Variants in PFN2 observed in about 807,000 individuals in gnomAD.
PFN2 encodes profilin-2.
In PFN2, 8 loss-of-function variants were observed where a neutral mutation model predicts 15.3. That is an observed-to-expected ratio of 0.52 (90% CI 0.31 to 0.95). The LOEUF (loss-of-function observed/expected upper bound fraction) is 0.95. PFN2 is among the 40% of genes least tolerant of loss of function. PFN2 has a pLI of 0.05. For missense variants in PFN2, 111 were observed against 182.3 expected (o/e 0.61, Z 2.25); for synonymous variants, 79 against 67.9 (o/e 1.16, Z -0.81).
intron 2 of PFN2, among the ~76,000 whole-genome samples, chr3:149,967,376 G>C (rs897927788): frequency 2.0e-5 from 3 of 152,196 alleles, no homozygotes; most frequent in African/African-American, 2.4e-5. Flanking sequence ...GGTTTAAAGA[G>C]ATTTGTCACT....
Position 149,968,747 on chromosome 3 carries a change from CAT to C in PFN2, c.133-199_133-198del, listed in dbSNP as rs1351961936. ...TAATCCTATATAATCACATATTTTA[CAT>C]GAGTTGATTTGACTTCAGTTAATGA... is the stretch of plus-strand genomic sequence containing the variant. On this transcript the variant is annotated intron_variant, in intron 1 of 2. Coordinates refer to ENST00000239940, the MANE Select transcript of PFN2 (RefSeq NM_053024.4). The C allele has an allele frequency of 1.3e-5, 7 of 543,006 alleles. No homozygotes were observed. The Admixed American group carries it at 1.7e-4, about 13-fold the overall frequency. The allele number at this position is 543,006 out of a possible 1,614,324, so 33.6% of individuals were successfully genotyped here.
At chr3:149,970,067 A>C (rs547177579) in intron 1 of PFN2, among the ~76,000 whole-genome samples, 2 of 151,224 alleles carry the variant, frequency 1.3e-5, no homozygotes, top group South Asian at 2.1e-4. Context: ...AAAAAAAAAC[A>C]ACCTATAGAG....
chr3:149,965,446 T>C lies in PFN2; in HGVS notation c.*1043A>G, dbSNP rs1722656556. ...AATCTGAGCTATTGCAATGATGGAA[T>C]GTCCCTGGGGATTCAATCAGTATGG... On this transcript the variant is annotated 3_prime_UTR_variant, in exon 3 of 3. Coordinates refer to ENST00000239940, the MANE Select transcript of PFN2 (RefSeq NM_053024.4). 1.4e-6 allele frequency: 2 copies of C among 1,442,938 alleles called. No individual in the cohort carries two copies. The highest frequency in any genetic ancestry group is 2.9e-5 in the Admixed American group (1 of 34,148). The allele number at this position is 1,442,938 out of a possible 1,614,324, so 89.4% of individuals were successfully genotyped here.
chr3:149,969,388 T>C (rs887445128), intron 1 of PFN2, among the ~76,000 whole-genome samples: 2 of 152,150 alleles, frequency 1.3e-5, no homozygotes, highest in African/African-American at 4.8e-5. Context: ...TGCAGAGTCA[T>C]AGCAGGCCCC....
Position 149,966,053 on chromosome 3 carries a change from T to C in PFN2, c.*436A>G. 6.6e-7 allele frequency: 1 copy of C among 1,516,574 alleles called. No individual in the cohort carries two copies. Among genetic ancestry groups the C allele is most frequent in the Non-Finnish European group, 8.8e-7 (1 of 1,136,174 alleles). The allele number at this position is 1,516,574 out of a possible 1,614,324, so 93.9% of individuals were successfully genotyped here. ...TGATCCATTGGGCAAACAGGAATCA[T>C]GACATTAGAAAATAGGTAAAGAAAA... On this transcript the variant is annotated 3_prime_UTR_variant, in exon 3 of 3. Transcript: ENST00000239940.
Position 149,965,802 on chromosome 3 carries a change from T to TGCTCATTTC in PFN2, c.*686_*687insGAAATGAGC. 1 of 1,068,534 alleles carries TGCTCATTTC rather than the reference T, an allele frequency of 9.4e-7. No individual in the cohort carries two copies. Among genetic ancestry groups the TGCTCATTTC allele is most frequent in the South Asian group, 3.7e-5 (1 of 27,256 alleles). The allele number at this position is 1,068,534 out of a possible 1,614,324, so 66.2% of individuals were successfully genotyped here. On this transcript the variant is annotated 3_prime_UTR_variant, in exon 3 of 3. Transcript: ENST00000239940. ...CAAAAGGAAGACTAAATGAGCCAAG[T>TGCTCATTTC]AAATGCTCAAAGTGCTGAAAAGACA...
chr3:149,969,876 T>C (rs1057034310), intron 1 of PFN2, among the ~76,000 whole-genome samples: 1 of 152,112 alleles, frequency 6.6e-6, no homozygotes, highest in African/African-American at 2.4e-5. Context: ...CTGCCACCAC[T>C]AAAGAGGGAG....
At chr3:149,967,505 A>T (rs1559986145) in intron 2 of PFN2, among the ~76,000 whole-genome samples, 1 of 152,218 alleles carries the variant, frequency 6.6e-6, no homozygotes, top group Admixed American at 6.5e-5. Flanking sequence ...ATTATAACTC[A>T]CAGCAGCTTC....
chr3:149,968,294 A>G, intron 2 of PFN2, 64 bp downstream of exon 2: 5 of 1,464,770 alleles, frequency 3.4e-6, no homozygotes, highest in Non-Finnish European at 4.7e-6. Context: ...CAAAATGTTA[A>G]AAGAAACTGC....
At position 149,966,680 on chromosome 3, in the gene PFN2, A is replaced by AT. The variant is rs541352301; in HGVS notation, c.326-95dup. On this transcript the variant is annotated intron_variant, in intron 2 of 2. Transcript: ENST00000239940. ...ACAGAACCCGGATTAATAAGTTAAC[A>AT]TTAAGTTAGTTTTCCATGAACTGCC... 71 of 945,496 alleles carry AT rather than the reference A, an allele frequency of 7.5e-5. 2 individuals are homozygous for AT. The highest frequency in any genetic ancestry group is 6.5e-4 in the Middle Eastern group (3 of 4,622). 58.6% of individuals were successfully genotyped at this position (945,496 alleles called of 1,614,324 possible).
intron 1 of PFN2, among the ~76,000 whole-genome samples, chr3:149,969,058 G>A (rs1472158229): frequency 5.3e-5 from 8 of 152,178 alleles, no homozygotes; most frequent in Non-Finnish European, 4.4e-5. Context: ...TCTGCTTAGA[G>A]TAACTAGAAA....
chr3:149,966,159 G>T lies in PFN2; in HGVS notation c.*330C>A. On this transcript the variant is annotated 3_prime_UTR_variant, in exon 3 of 3. Transcript: ENST00000239940. ...AAGACAGTTGCTAGGTAGATGGGGA[G>T]AGGCTGCTTACACATCAGACCTCCT... The T allele has an allele frequency of 6.2e-7, 1 of 1,612,166 alleles. No individual in the cohort carries two copies. Among genetic ancestry groups the T allele is most frequent in the Non-Finnish European group, 8.5e-7 (1 of 1,179,064 alleles).
At chr3:149,970,498 G>T in intron 1 of PFN2, 1 of 336,908 alleles carries the variant, frequency 3.0e-6, no homozygotes, top group Non-Finnish European at 5.2e-6. Context: ...GCCAGGGCCA[G>T]CAAGGAGTCC....
chr3:149,968,584 AC>A, intron 1 of PFN2, 34 bp from the exon 2 acceptor site: 1 of 1,548,350 alleles, frequency 6.5e-7, no homozygotes, highest in Non-Finnish European at 8.8e-7. Context: ...AAAAAAACAC[AC>A]ACACATTAAG....
At chr3:149,970,692 G>C (rs1238550812) in intron 1 of PFN2, 33 bp downstream of exon 1, 3 of 1,482,976 alleles carry the variant, frequency 2.0e-6, no homozygotes, top group Non-Finnish European at 2.7e-6. Flanking sequence ...CTCCGGTGCA[G>C]GGACCAGGGT....
chr3:149,967,860 C>CA (rs1322046368), intron 2 of PFN2, among the ~76,000 whole-genome samples: 1 of 152,044 alleles, frequency 6.6e-6, no homozygotes, highest in Non-Finnish European at 1.5e-5. Context: ...CAACTTACTC[C>CA]AAAATCCTCA....
Position 149,970,770 on chromosome 3 carries a change from T to G in PFN2, c.87A>C (p.Lys29Asn). ...CCCCGGCCGTGGCTGCCCAGACGTA[T>G]TTGGCGTCGCAGTAGCCGACAATGG... is the stretch of plus-strand genomic sequence containing the variant. ...EAAIVGYCDA[K>N]YVWAATAGGV... The change falls in exon 1 of 3, where the codon AAA becomes AAC. Residue 29 changes from lysine (K) to asparagine (N), a missense_variant. By Grantham distance (94) the Lys-to-Asn change is moderately conservative. Coordinates refer to ENST00000239940, the MANE Select transcript of PFN2 (RefSeq NM_053024.4). 4 of 1,519,124 alleles carry G rather than the reference T, an allele frequency of 2.6e-6. No homozygotes were observed. Among genetic ancestry groups the G allele is most frequent in the Non-Finnish European group, 3.5e-6 (4 of 1,130,268 alleles). The allele number at this position is 1,519,124 out of a possible 1,614,324, so 94.1% of individuals were successfully genotyped here.
chr3:149,966,343 C>T lies in PFN2; in HGVS notation c.*146G>A. The T allele has an allele frequency of 6.3e-7, 1 of 1,596,074 alleles. No individual in the cohort carries two copies. Among genetic ancestry groups the T allele is most frequent in the Non-Finnish European group, 8.5e-7 (1 of 1,172,092 alleles). ...AGGGCAGAAAGAAAGACACCTTTCC[C>T]CACCAACAGAGGGATACAAAGGAGA... On this transcript the variant is annotated 3_prime_UTR_variant, in exon 3 of 3. Transcript: ENST00000239940.
Position 149,965,436 on chromosome 3 carries a change from A to C in PFN2, c.*1053T>G. On this transcript the variant is annotated 3_prime_UTR_variant, in exon 3 of 3. Transcript: ENST00000239940. ...AAGGAAGAAAAATCTGAGCTATTGC[A>C]ATGATGGAATGTCCCTGGGGATTCA... 2 of 1,442,844 alleles carry C rather than the reference A, an allele frequency of 1.4e-6. No individual in the cohort carries two copies. The highest frequency in any genetic ancestry group is 1.8e-6 in the Non-Finnish European group (2 of 1,105,972). The allele number at this position is 1,442,844 out of a possible 1,614,324, so 89.4% of individuals were successfully genotyped here. A position where few individuals can be genotyped will look rare whatever the true frequency, so the allele number is the denominator to read the frequency against.
Sources: gnomAD v4.1 joint callset for allele counts (sites outside exome capture counted in the v4.1 genomes callset) on GRCh38, gnomAD v4.1.1 for gene constraint, MANE v1.5 for transcripts, NCBI Gene and HGNC (gene_info 2026-07-23, HGNC 2026-07-21) for gene names.